The following PDE4D variants were observed in gnomAD, a reference collection of about 807,000 sequenced individuals.
The protein encoded by PDE4D is phosphodiesterase 4D.
In PDE4D, 24 loss-of-function variants were observed where a neutral mutation model predicts 87.4. The observed-to-expected ratio is 0.27, with a 90% CI of 0.20 to 0.39. The LOEUF (loss-of-function observed/expected upper bound fraction) is 0.39, where lower values mean the gene tolerates loss of function less well. PDE4D is among the 10% of genes least tolerant of loss of function. The probability of loss-of-function intolerance (pLI) is 1.00; values close to 1 mark genes in which losing one functional copy is unlikely to be tolerated. For missense variants in PDE4D, 714 were observed against 1,041.0 expected, an observed-to-expected ratio of 0.69 and a Z score of 4.32; for synonymous variants, 384 against 383.2, an observed-to-expected ratio of 1.00 and a Z score of -0.02.
chr5:59,520,926 C>T (rs548582356), intron 1 of PDE4D, among the ~76,000 whole-genome samples: 26 of 151,252 alleles, frequency 1.7e-4, no homozygotes, highest in Non-Finnish European at 3.2e-4. Context: ...GTGTGTGTGT[C>T]TGTATGTGTG....
At chr5:59,470,783 A>G (rs1802317287) in intron 1 of PDE4D, among the ~76,000 whole-genome samples, 1 of 152,194 alleles carries the variant, frequency 6.6e-6, no homozygotes, top group South Asian at 2.1e-4. Flanking sequence ...AAGGATAAAA[A>G]TGTACTTCAG....
At chr5:59,339,827 A>G (rs368730314) in intron 1 of PDE4D, among the ~76,000 whole-genome samples, 2 of 152,272 alleles carry the variant, frequency 1.3e-5, no homozygotes, top group African/African-American at 4.8e-5. Context: ...AGAAAACTAC[A>G]TTATATTCTT....
In PDE4D at chr5:59,133,982, T is replaced by TTTTGTTG. The variant is rs1194140474; in HGVS notation, c.808+46606_808+46612dup. Among the ~76,000 whole-genome samples, 204 of 125,784 alleles carry TTTTGTTG rather than the reference T, an allele frequency of 1.6e-3. 1 individual carries two copies. The highest frequency in any genetic ancestry group is 6.0e-3 in the African/African-American group (191 of 31,776). 82.5% of individuals were successfully genotyped at this position (125,784 alleles called of 152,430 possible). On this transcript the variant is annotated intron_variant, in intron 5 of 14. Transcript: ENST00000340635. ...ATGTCCCTTGTAACTTAGCAACTAG[T>TTTTGTTG]TTTGTTGTTGTTGTTGTTGTTGTTG...
At chr5:59,114,076 A>C (rs996832337) in intron 5 of PDE4D, among the ~76,000 whole-genome samples, 1 of 152,236 alleles carries the variant, frequency 6.6e-6, no homozygotes, top group South Asian at 2.1e-4. Flanking sequence ...ATAAAGTTGC[A>C]AAGATGATGT....
intron 2 of PDE4D, among the ~76,000 whole-genome samples, chr5:60,074,531 T>C (rs955277803): frequency 6.6e-6 from 1 of 152,196 alleles, no homozygotes; most frequent in Non-Finnish European, 1.5e-5. Flanking sequence ...GTCCATTTGG[T>C]CCAGTGTTGA....
intron 1 of PDE4D, among the ~76,000 whole-genome samples, chr5:60,221,543 T>G (rs1385874081): frequency 6.6e-6 from 1 of 152,074 alleles, no homozygotes; most frequent in Non-Finnish European, 1.5e-5. Flanking sequence ...TACTGTTGAG[T>G]TGATTTTGAT....
At chr5:59,557,451 C>G (rs187807914) in intron 1 of PDE4D, among the ~76,000 whole-genome samples, 2 of 152,046 alleles carry the variant, frequency 1.3e-5, no homozygotes, top group African/African-American at 4.8e-5. Flanking sequence ...CCGCCATTGC[C>G]GACTGGCTGT....
intron 1 of PDE4D, among the ~76,000 whole-genome samples, chr5:59,503,229 C>T (rs1000634948): frequency 3.9e-5 from 6 of 152,072 alleles, no homozygotes; most frequent in South Asian, 2.1e-4. Context: ...TCAGGAGGTC[C>T]ATCATCTATA....
At position 59,893,366 on chromosome 5, in the gene PDE4D, G is replaced by A; in HGVS notation, c.257C>T (p.Pro86Leu). ...PPPPPLPPPP[P>L]PPGAARGRYA... ...GCGGCCGCGGGCAGCCCCGGGCGGC[G>A]GCGGGGGCGGCGGCAGGGGGGGCGG... Residue 86 changes from proline (P) to leucine (L), a missense_variant, in exon 1 of 15, where the codon CCG (proline) becomes CTG (leucine). This residue lies in a region of PDE4D where 268 missense variants were observed against 272.9 expected (regional missense o/e 0.98). Coordinates refer to ENST00000340635, the MANE Select transcript of PDE4D (RefSeq NM_001104631.2). The A allele has an allele frequency of 1.6e-6, 2 of 1,242,016 alleles. No homozygotes were observed. The highest frequency in any genetic ancestry group is 2.0e-6 in the Non-Finnish European group (2 of 993,976). The allele number at this position is 1,242,016 out of a possible 1,614,324, so 76.9% of individuals were successfully genotyped here. A position where few individuals can be genotyped will look rare whatever the true frequency, so the allele number is the denominator to read the frequency against.
At chr5:59,216,308 T>C (rs1490977188) in intron 1 of PDE4D, among the ~76,000 whole-genome samples, 1 of 152,148 alleles carries the variant, frequency 6.6e-6, no homozygotes, top group East Asian at 1.9e-4. Context: ...ATTCATCAAA[T>C]ATTTGAATTC....
chr5:59,099,992 A>G (rs1157963119), intron 5 of PDE4D, among the ~76,000 whole-genome samples: 4 of 152,178 alleles, frequency 2.6e-5, no homozygotes, highest in Admixed American at 6.5e-5. Context: ...CAGGGCCAAT[A>G]CTTTCTTTAT....
intron 1 of PDE4D, among the ~76,000 whole-genome samples, chr5:59,794,230 TTCA>T (rs917756436): frequency 6.6e-6 from 1 of 152,140 alleles, no homozygotes; most frequent in African/African-American, 2.4e-5. Context: ...TGCAGTTGGC[TTCA>T]TCTTTATATT....
intron 1 of PDE4D, among the ~76,000 whole-genome samples, chr5:59,676,240 C>G (rs1212932459): frequency 6.6e-6 from 1 of 152,096 alleles, no homozygotes; most frequent in East Asian, 1.9e-4. Context: ...TTTTAAGTAA[C>G]TAGTTTTAAT....
chr5:60,313,303 C>A (rs1477707876), intron 1 of PDE4D, among the ~76,000 whole-genome samples: 1 of 152,080 alleles, frequency 6.6e-6, no homozygotes, highest in Non-Finnish European at 1.5e-5. Context: ...TAATGAACAC[C>A]TTTATGCATA....
chr5:59,086,139 T>C (rs1396058582), intron 5 of PDE4D, among the ~76,000 whole-genome samples: 5 of 152,194 alleles, frequency 3.3e-5, no homozygotes, highest in Admixed American at 2.0e-4. Flanking sequence ...AAGGGTCACA[T>C]AGCTAAAAGT....
intron 1 of PDE4D, among the ~76,000 whole-genome samples, chr5:59,632,193 A>G (rs1023820373): frequency 3.3e-5 from 5 of 152,170 alleles, no homozygotes; most frequent in African/African-American, 9.7e-5. Context: ...GCCTCTCTAG[A>G]TTCTTCCTGT....
intron 1 of PDE4D, among the ~76,000 whole-genome samples, chr5:59,530,290 A>G (rs547688925): frequency 2.6e-5 from 4 of 152,152 alleles, no homozygotes; most frequent in Non-Finnish European, 4.4e-5. Flanking sequence ...AAAAAATCAG[A>G]CAGTTTTTTC....
intron 1 of PDE4D, among the ~76,000 whole-genome samples, chr5:60,512,194 C>A (rs1023839579): frequency 6.6e-6 from 1 of 152,122 alleles, no homozygotes; most frequent in African/African-American, 2.4e-5. Flanking sequence ...TACTCCAAGT[C>A]AGTGGAAATC....
chr5:59,530,474 A>T (rs952554560), intron 1 of PDE4D, among the ~76,000 whole-genome samples: 1 of 152,176 alleles, frequency 6.6e-6, no homozygotes, highest in African/African-American at 2.4e-5. Context: ...TACACACATC[A>T]ATATACTTTA....
Sources: gnomAD v4.1 joint callset for allele counts (sites outside exome capture counted in the v4.1 genomes callset) on GRCh38, gnomAD v4.1.1 for gene constraint, gnomAD v4.1.1 regional missense constraint, MANE v1.5 for transcripts, NCBI Gene and HGNC (gene_info 2026-07-23, HGNC 2026-07-21) for gene names.